EPHB2: variants seen among roughly 807,000 people sequenced by gnomAD.
The protein encoded by EPHB2 is EPH receptor B2.
In EPHB2, 18 loss-of-function variants were observed where a neutral mutation model predicts 96.4. That is an observed-to-expected ratio of 0.19 (90% CI 0.13 to 0.28). The LOEUF (loss-of-function observed/expected upper bound fraction) is 0.28. Among genes scored for constraint, EPHB2 ranks in the 10% least tolerant of loss-of-function variants. EPHB2 has a pLI of 1.00. For synonymous variants in EPHB2, 506 were observed against 534.1 expected (o/e 0.95, Z 0.72); for missense variants, 989 against 1,355.4 (o/e 0.73, Z 4.25).
intron 3 of EPHB2, among the ~76,000 whole-genome samples, chr1:22,853,632 A>T (rs1407438764): frequency 6.6e-6 from 1 of 152,258 alleles, no homozygotes; most frequent in Non-Finnish European, 1.5e-5. Flanking sequence ...GAGCTGGGAC[A>T]GCATATGAGG....
chr1:22,839,669 G>A (rs1485631517), intron 3 of EPHB2, among the ~76,000 whole-genome samples: 1 of 152,152 alleles, frequency 6.6e-6, no homozygotes, highest in Non-Finnish European at 1.5e-5. Flanking sequence ...GCAAACATGG[G>A]GTCCTGGATA....
chr1:22,880,439 C>A (rs528754037), intron 5 of EPHB2, among the ~76,000 whole-genome samples: 2 of 152,230 alleles, frequency 1.3e-5, no homozygotes, highest in Admixed American at 6.5e-5. Context: ...GTCACAGACC[C>A]GCCCAGGAAT....
rs1231507220 is a variant in EPHB2, at chr1:22,920,783, T to G, written c.*7213T>G. ...CACTTGGTCATGCCCAGCCCCCAAATCATAATCATAGCTGCTATTTCTTGA... is the reference window on the plus strand; with the variant it reads ...CACTTGGTCATGCCCAGCCCCCAAAGCATAATCATAGCTGCTATTTCTTGA... On this transcript the variant is annotated 3_prime_UTR_variant, in exon 16 of 16. Coordinates refer to ENST00000374630, the MANE Select transcript of EPHB2 (RefSeq NM_017449.5). 6.6e-6 allele frequency: 1 copy of G among 152,206 alleles called. No homozygotes were observed. The highest frequency in any genetic ancestry group is 2.4e-5 in the African/African-American group (1 of 41,422). The allele number at this position is 152,206 out of a possible 1,614,324, so 9.4% of individuals were successfully genotyped here. A position where few individuals can be genotyped will look rare whatever the true frequency, so the allele number is the denominator to read the frequency against.
At chr1:22,900,096 C>A (rs1639702302) in intron 9 of EPHB2, among the ~76,000 whole-genome samples, 1 of 152,050 alleles carries the variant, frequency 6.6e-6, no homozygotes, top group Non-Finnish European at 1.5e-5. Context: ...GAATTCAAGA[C>A]CAGCCTGGCC....
At chr1:22,881,971 C>G (rs1424333019) in intron 5 of EPHB2, among the ~76,000 whole-genome samples, 2 of 152,222 alleles carry the variant, frequency 1.3e-5, no homozygotes, top group Non-Finnish European at 2.9e-5. Flanking sequence ...CTAACCACCT[C>G]TGTGAGAGCA....
At chr1:22,893,884 A>G (rs1351702349) in intron 7 of EPHB2, among the ~76,000 whole-genome samples, 1 of 152,160 alleles carries the variant, frequency 6.6e-6, no homozygotes, top group East Asian at 1.9e-4. Flanking sequence ...AATCCCTTTT[A>G]CCAGCCAGTC....
intron 3 of EPHB2, among the ~76,000 whole-genome samples, chr1:22,849,619 G>A (rs148455920): frequency 1.1e-4 from 16 of 152,320 alleles, no homozygotes; most frequent in African/African-American, 3.6e-4. Flanking sequence ...TCTCTGCCCT[G>A]AGCAAGGCCT....
rs913033055 is a variant in EPHB2, at chr1:22,790,331, G to A, written c.811+5255G>A. Among the ~76,000 whole-genome samples, 1 of 152,014 alleles carries A rather than the reference G, an allele frequency of 6.6e-6. No individual in the cohort carries two copies. Among genetic ancestry groups the A allele is most frequent in the African/African-American group, 2.4e-5 (1 of 41,336 alleles). On this transcript the variant is annotated intron_variant, in intron 3 of 15. Transcript: ENST00000374630. The surrounding 1 kb of genome is among the most constrained non-coding windows in gnomAD (Gnocchi z 4.0). ...GCATGCCTAATCGGGGTCTACACTG[G>A]GCATACAGCTGCCAGGTGAGGATTC... is the stretch of plus-strand genomic sequence containing the variant.
At position 22,757,613 on chromosome 1, in the gene EPHB2, A is replaced by G. The variant is rs372002771; in HGVS notation, c.62-23808A>G. ...GTGGTGCCTCATGCCTATAATCTCA[A>G]CACTTTGGGAGGCTGAGGCAGGTGG... On this transcript the variant is annotated intron_variant, in intron 1 of 15. Coordinates refer to ENST00000374630, the MANE Select transcript of EPHB2 (RefSeq NM_017449.5). Among the ~76,000 whole-genome samples the G allele has an allele frequency of 2.1e-4, 32 of 152,192 alleles. 2 individuals are homozygous for G. In the East Asian group the frequency reaches 3.9e-3, roughly 18 times the overall value.
In EPHB2 at chr1:22,860,157, C is replaced by G. The variant is rs749413427; in HGVS notation, c.812-2880C>G. ...TATGTGCCATTGTGGATTTTTAAGACTTGGAAAGGTCTGCACTCCAGAGAG... is the reference window on the plus strand; with the variant it reads ...TATGTGCCATTGTGGATTTTTAAGAGTTGGAAAGGTCTGCACTCCAGAGAG... On this transcript the variant is annotated intron_variant, in intron 3 of 15. Coordinates refer to ENST00000374630, the MANE Select transcript of EPHB2 (RefSeq NM_017449.5). This position sits in a 1 kb window ranked among gnomAD's most constrained non-coding sequence, Gnocchi z 4.6. Among the ~76,000 whole-genome samples, 11 of 151,868 alleles carry G rather than the reference C, an allele frequency of 7.2e-5. No homozygotes were observed. Among genetic ancestry groups the G allele is most frequent in the Non-Finnish European group, 1.2e-4 (8 of 67,976 alleles).
At chr1:22,712,581 G>A (rs1304479424) in intron 1 of EPHB2, among the ~76,000 whole-genome samples, 1 of 152,210 alleles carries the variant, frequency 6.6e-6, no homozygotes, top group Non-Finnish European at 1.5e-5. Flanking sequence ...CAGTCAGGGG[G>A]TGGGGGGTGT....
intron 3 of EPHB2, among the ~76,000 whole-genome samples, chr1:22,834,874 G>A (rs895338849): frequency 2.6e-5 from 4 of 151,612 alleles, no homozygotes; most frequent in East Asian, 2.0e-4. Context: ...GCAGTGAGCC[G>A]AGATCACACC....
intron 1 of EPHB2, among the ~76,000 whole-genome samples, chr1:22,778,393 C>T (rs996473298): frequency 6.6e-6 from 1 of 152,238 alleles, no homozygotes; most frequent in Non-Finnish European, 1.5e-5. Context: ...TCTGTTACCT[C>T]CAGAGCCCAG....
intron 3 of EPHB2, among the ~76,000 whole-genome samples, chr1:22,847,393 T>C (rs1645558962): frequency 6.6e-6 from 1 of 152,232 alleles, no homozygotes; most frequent in Admixed American, 6.5e-5. Context: ...ACACAGCAGC[T>C]GCTCAATAAA....
chr1:22,836,317 A>C (rs887997232), intron 3 of EPHB2, among the ~76,000 whole-genome samples: 2 of 152,242 alleles, frequency 1.3e-5, no homozygotes, highest in Admixed American at 6.5e-5. Flanking sequence ...GGAGGCACAA[A>C]GATGAACCAG....
At chr1:22,813,241 C>G (rs764391248) in intron 3 of EPHB2, among the ~76,000 whole-genome samples, 3 of 152,184 alleles carry the variant, frequency 2.0e-5, no homozygotes, top group Non-Finnish European at 4.4e-5. Flanking sequence ...ACAGGTCACA[C>G]AGCTCCTGAG....
intron 3 of EPHB2, among the ~76,000 whole-genome samples, chr1:22,814,250 T>C (rs980880259): frequency 3.9e-5 from 6 of 152,164 alleles, no homozygotes; most frequent in African/African-American, 1.4e-4. Flanking sequence ...TGAGGACCCA[T>C]TGAGTGCCGA....
rs1638810045 is a variant in EPHB2 at position 22,875,537 on chromosome 1, T to G, written c.1304-6822T>G. Among the ~76,000 whole-genome samples the G allele has an allele frequency of 6.6e-6, 1 of 152,076 alleles. No homozygotes were observed. The highest frequency in any genetic ancestry group is 2.4e-5 in the African/African-American group (1 of 41,412). On this transcript the variant is annotated intron_variant, in intron 5 of 15. Coordinates refer to ENST00000374630, the MANE Select transcript of EPHB2 (RefSeq NM_017449.5). The surrounding 1 kb of genome is among the most constrained non-coding windows in gnomAD (Gnocchi z 4.2). ...TTGTTTTAGTGGCCAGCCCACAAGG[T>G]CGGTAGACTCGGGTTCCTGAGGGCG...
At chr1:22,743,959 C>A (rs1037365208) in intron 1 of EPHB2, among the ~76,000 whole-genome samples, 5 of 152,108 alleles carry the variant, frequency 3.3e-5, no homozygotes, top group African/African-American at 1.2e-4. Flanking sequence ...TTATCTGAAC[C>A]CCCAAATTAC....
Sources: allele counts gnomAD v4.1 joint callset (sites outside exome capture counted in the v4.1 genomes callset), GRCh38; gene constraint gnomAD v4.1.1; non-coding constraint Gnocchi (gnomAD v3.1); transcripts MANE v1.5; gene names NCBI Gene and HGNC (gene_info 2026-07-23, HGNC 2026-07-21).